Variants in SCARB1 observed in about 807,000 individuals in gnomAD.
SCARB1 encodes the protein CD36 and LIMPII analogous 1.
In SCARB1, 30 loss-of-function variants were observed where a neutral mutation model predicts 57.2. That is an observed-to-expected ratio of 0.52 (90% CI 0.39 to 0.71). SCARB1 has a LOEUF of 0.71. Ranked by LOEUF, SCARB1 falls within the 30% of genes least tolerant of loss-of-function variation. The pLI is 0.00. For synonymous variants in SCARB1, 249 were observed against 268.3 expected (o/e 0.93, Z 0.70); for missense variants, 543 against 671.2 (o/e 0.81, Z 2.11).
intron 9 of SCARB1, among the ~76,000 whole-genome samples, chr12:124,791,382 C>A (rs1212517974): frequency 6.6e-6 from 1 of 152,158 alleles, no homozygotes; most frequent in African/African-American, 2.4e-5. Flanking sequence ...CTTGGGCGTG[C>A]TACTGAGCCT....
intron 9 of SCARB1, among the ~76,000 whole-genome samples, chr12:124,788,609 G>A (rs1949610050): frequency 6.6e-6 from 1 of 152,178 alleles, no homozygotes; most frequent in Admixed American, 6.5e-5. Context: ...ACAGAAAGAT[G>A]AGTGGAACTT....
intron 1 of SCARB1, among the ~76,000 whole-genome samples, chr12:124,850,886 G>A (rs144742736): frequency 1.5e-4 from 23 of 152,258 alleles, no homozygotes; most frequent in African/African-American, 4.6e-4. Flanking sequence ...GCCTATGGCC[G>A]CCTCTTCCCC....
At chr12:124,784,413 T>C (rs1949437337) in intron 11 of SCARB1, 2 of 152,280 alleles carry the variant, frequency 1.3e-5, no homozygotes, top group South Asian at 4.1e-4. Context: ...AGCAACATGA[T>C]GACAGCTGGT....
intron 9 of SCARB1, among the ~76,000 whole-genome samples, chr12:124,790,568 C>G (rs1052123128): frequency 6.6e-6 from 1 of 152,190 alleles, no homozygotes; most frequent in Non-Finnish European, 1.5e-5. Flanking sequence ...AGACTCCCAA[C>G]ACTGCAAGAT....
chr12:124,856,080 C>T (rs530663598), intron 1 of SCARB1, among the ~76,000 whole-genome samples: 13 of 152,354 alleles, frequency 8.5e-5, no homozygotes, highest in East Asian at 1.9e-4. Flanking sequence ...CCGGCCATTC[C>T]GGGAAGGGAC....
Position 124,815,021 on chromosome 12 carries a change from G to A in SCARB1, c.378C>T (p.Ser126=), listed in dbSNP as rs944929105. 6.2e-7 allele frequency: 1 copy of A among 1,614,114 alleles called. No individual in the cohort carries two copies. Among genetic ancestry groups the A allele is most frequent in the Admixed American group, 1.7e-5 (1 of 60,010 alleles). Residue 126 remains serine, a synonymous_variant, in exon 3 of 13, where the codon TCC becomes TCT. Transcript: ENST00000261693. The stretch of plus-strand genomic sequence containing the variant: ...CGATGTAGTCGCTCTCCGAGCCGTG[G>A]GACTTGGAGGGCTGGAACTGGAAGG... ...YRTFQFQPSK[S]HGSESDYIVM... is the part of the protein sequence containing the mutation.
intron 1 of SCARB1, among the ~76,000 whole-genome samples, chr12:124,847,213 G>T (rs1470667114): frequency 6.6e-6 from 1 of 152,246 alleles, no homozygotes; most frequent in Non-Finnish European, 1.5e-5. Context: ...AAAGCGAGGG[G>T]TTGCAGCAGG....
chr12:124,858,773 G>T (rs888300633), intron 1 of SCARB1, among the ~76,000 whole-genome samples: 2 of 152,044 alleles, frequency 1.3e-5, no homozygotes, highest in African/African-American at 4.8e-5. Flanking sequence ...CAGCTACTCA[G>T]GAGGCTGAGG....
At position 124,793,018 on chromosome 12, in the gene SCARB1, TC is replaced by T. The variant is rs1165420939; in HGVS notation, c.1202+2176del. ...GAGGACTTGGGCTGCAAACGCCTCT[TC>T]CATGCCTGGGGCTGTTTCCCCACCC... On this transcript the variant is annotated intron_variant, in intron 9 of 12. Transcript: ENST00000261693. Among the ~76,000 whole-genome samples the T allele has an allele frequency of 2.0e-5, 3 of 152,126 alleles. No individual in the cohort carries two copies. In the East Asian group the frequency reaches 5.8e-4, roughly 29 times the overall value.
chr12:124,795,365 C>T, intron 8 of SCARB1, 97 bp from the exon 9 acceptor site: 1 of 951,252 alleles, frequency 1.1e-6, no homozygotes, highest in Non-Finnish European at 1.7e-6. Context: ...GGGTGGGCGT[C>T]CCAGCTAACT....
chr12:124,809,269 T>C (rs1481405520), intron 6 of SCARB1, among the ~76,000 whole-genome samples: 1 of 151,974 alleles, frequency 6.6e-6, no homozygotes, highest in Non-Finnish European at 1.5e-5. Flanking sequence ...CTCATGCAAC[T>C]TTTCTTTAAG....
At chr12:124,785,968 C>CT in intron 11 of SCARB1, 1 of 1,223,254 alleles carries the variant, frequency 8.2e-7, no homozygotes, top group Non-Finnish European at 1.1e-6. Flanking sequence ...GCCAGCCCCC[C>CT]TCAATCCCCC....
chr12:124,805,699 C>T (rs757428673), intron 7 of SCARB1, among the ~76,000 whole-genome samples: 13 of 149,504 alleles, frequency 8.7e-5, no homozygotes, highest in Non-Finnish European at 1.0e-4. Flanking sequence ...GCTAGGACTA[C>T]AGGCATGCAC....
At chr12:124,820,971 G>A (rs532561104) in intron 1 of SCARB1, among the ~76,000 whole-genome samples, 149 of 152,176 alleles carry the variant, frequency 9.8e-4, no homozygotes, top group African/African-American at 3.0e-3. Flanking sequence ...GGCCCAGTGC[G>A]GTGGCTCACA....
rs375927939 is a variant in SCARB1, at chr12:124,811,985, C to T, written c.631-20G>A. The stretch of plus-strand genomic sequence containing the variant: ...GTTGAGCTACAGACACAGCAGGGAA[C>T]AGCATCGTAAGGCTTAGGCCTGCCA... On this transcript the variant is annotated intron_variant, in intron 4 of 12. Transcript: ENST00000261693. 4.8e-5 allele frequency: 76 copies of T among 1,591,388 alleles called. No homozygotes were observed. Among genetic ancestry groups the T allele is most frequent in the Non-Finnish European group, 5.8e-5 (67 of 1,163,424 alleles).
chr12:124,840,281 C>T (rs113929797), intron 1 of SCARB1, among the ~76,000 whole-genome samples: 16,078 of 151,976 alleles, frequency 0.11, 952 homozygotes, highest in African/African-American at 0.16. Flanking sequence ...TCAAACGATT[C>T]TCCTGCCTCA....
At chr12:124,798,042 G>A (rs1174769904) in intron 8 of SCARB1, among the ~76,000 whole-genome samples, 1 of 152,242 alleles carries the variant, frequency 6.6e-6, no homozygotes, top group Non-Finnish European at 1.5e-5. Context: ...GGAATCAAGC[G>A]AAGTGTCCGT....
At chr12:124,798,432 AG>A (rs1344901768) in intron 8 of SCARB1, among the ~76,000 whole-genome samples, 1 of 151,952 alleles carries the variant, frequency 6.6e-6, no homozygotes, top group Non-Finnish European at 1.5e-5. Flanking sequence ...AAATAAAAAC[AG>A]GGAAATCCTG....
chr12:124,832,701 A>G (rs12580803), intron 1 of SCARB1, among the ~76,000 whole-genome samples: 22,344 of 152,234 alleles, frequency 0.15, 1,772 homozygotes, highest in East Asian at 0.26. Context: ...TTGTAAAAAC[A>G]CTGACAATTT....
Sources: gnomAD v4.1 joint callset for allele counts (sites outside exome capture counted in the v4.1 genomes callset) on GRCh38, gnomAD v4.1.1 for gene constraint, MANE v1.5 for transcripts, NCBI Gene and HGNC (gene_info 2026-07-23, HGNC 2026-07-21) for gene names.